The following RPS6KC1 variants were observed in gnomAD, a reference collection of about 807,000 sequenced individuals.
The protein encoded by RPS6KC1 is inactive ribosomal protein S6 kinase delta-1.
Under a neutral mutation model 103.8 loss-of-function variants are expected in RPS6KC1, and 54 were observed. The observed-to-expected ratio is 0.52, with a 90% CI of 0.42 to 0.65. RPS6KC1 has a LOEUF of 0.65. Ranked by LOEUF, RPS6KC1 falls within the 30% of genes least tolerant of loss-of-function variation. The probability of loss-of-function intolerance (pLI) is 0.00; values close to 1 mark genes in which losing one functional copy is unlikely to be tolerated. For missense variants in RPS6KC1, 1,151 were observed against 1,253.8 expected, an observed-to-expected ratio of 0.92 and a Z score of 1.24; for synonymous variants, 439 against 438.7, an observed-to-expected ratio of 1.00 and a Z score of -0.01.
the RPS6KC1 span, among the ~76,000 whole-genome samples, chr1:213,571,107 G>T: frequency 2.0e-5 from 3 of 152,252 alleles, no homozygotes; most frequent in African/African-American, 7.2e-5. Flanking sequence ...ACTTGCTTTT[G>T]CCTGTACAGA....
the RPS6KC1 span, among the ~76,000 whole-genome samples, chr1:213,482,540 GTT>G: frequency 3.8e-3 from 234 of 61,044 alleles, no homozygotes; most frequent in African/African-American, 0.014. Context: ...CTAACTTGAG[GTT>G]TTTTTTTTTT....
intron 12 of RPS6KC1, among the ~76,000 whole-genome samples, chr1:213,253,319 G>A (rs532541810): frequency 5.3e-5 from 8 of 152,290 alleles, no homozygotes; most frequent in African/African-American, 1.7e-4. Context: ...AACTGAGTCA[G>A]ATGGCCTCAC....
At chr1:213,183,872 A>G (rs1417497879) in intron 8 of RPS6KC1, among the ~76,000 whole-genome samples, 1 of 152,130 alleles carries the variant, frequency 6.6e-6, no homozygotes, top group Non-Finnish European at 1.5e-5. Flanking sequence ...AAATTGATAA[A>G]CCTCTAACAA....
At chr1:213,566,174 C>T in the RPS6KC1 span, among the ~76,000 whole-genome samples, 1 of 152,068 alleles carries the variant, frequency 6.6e-6, no homozygotes, top group African/African-American at 2.4e-5. Context: ...AGTGTTTATA[C>T]AAGTGTTCAC....
intron 12 of RPS6KC1, among the ~76,000 whole-genome samples, chr1:213,259,079 G>A (rs1321463153): frequency 3.9e-5 from 6 of 152,200 alleles, no homozygotes; most frequent in Non-Finnish European, 8.8e-5. Flanking sequence ...CTAGTTCATT[G>A]TTCTTTCTCA....
chr1:213,847,529 T>G, the RPS6KC1 span, among the ~76,000 whole-genome samples: 8 of 152,198 alleles, frequency 5.3e-5, no homozygotes, highest in African/African-American at 1.9e-4. Flanking sequence ...GAGGTCTGGA[T>G]GAGAAACTGA....
At chr1:213,308,755 A>G in the RPS6KC1 span, among the ~76,000 whole-genome samples, 2 of 152,330 alleles carry the variant, frequency 1.3e-5, no homozygotes, top group Admixed American at 6.5e-5. Flanking sequence ...GCTTCACACT[A>G]GAGTTTTAAC....
the RPS6KC1 span, among the ~76,000 whole-genome samples, chr1:213,771,437 A>G: frequency 6.6e-6 from 1 of 152,212 alleles, no homozygotes; most frequent in African/African-American, 2.4e-5. Context: ...CAGGAATAGG[A>G]GGTGAAGTTC....
At chr1:213,426,863 C>T in the RPS6KC1 span, among the ~76,000 whole-genome samples, 1 of 152,154 alleles carries the variant, frequency 6.6e-6, no homozygotes, top group Non-Finnish European at 1.5e-5. Context: ...AGTCTATCAT[C>T]TAGGAAAACA....
At chr1:213,092,793 T>C (rs1055951031) in intron 3 of RPS6KC1, among the ~76,000 whole-genome samples, 5 of 152,262 alleles carry the variant, frequency 3.3e-5, no homozygotes, top group Admixed American at 3.3e-4. Context: ...AATAAACATA[T>C]ATGAATCATA....
chr1:213,165,838 C>T (rs771480833), intron 6 of RPS6KC1, among the ~76,000 whole-genome samples: 1 of 152,078 alleles, frequency 6.6e-6, no homozygotes, highest in Non-Finnish European at 1.5e-5. Context: ...ATTATAGGCA[C>T]GAGCCACCGC....
chr1:213,705,341 G>C, the RPS6KC1 span, among the ~76,000 whole-genome samples: 4 of 152,224 alleles, frequency 2.6e-5, no homozygotes, highest in African/African-American at 9.6e-5. Context: ...ACAAGACGTA[G>C]TACTTTCCAC....
chr1:213,484,419 G>A, the RPS6KC1 span, among the ~76,000 whole-genome samples: 244 of 152,286 alleles, frequency 1.6e-3, no homozygotes, highest in African/African-American at 5.4e-3. Flanking sequence ...GTCCAGGCTC[G>A]TTTATGTGGT....
At chr1:213,275,166 C>T (rs934428482), downstream of RPS6KC1, among the ~76,000 whole-genome samples, 8 of 152,198 alleles carry the variant, frequency 5.3e-5, no homozygotes, top group African/African-American at 1.9e-4. Context: ...GAATAATATT[C>T]CATCATATGT....
the RPS6KC1 span, among the ~76,000 whole-genome samples, chr1:213,554,664 C>G: frequency 1.3e-5 from 2 of 152,126 alleles, no homozygotes; most frequent in Non-Finnish European, 2.9e-5. Flanking sequence ...TACCTACTTC[C>G]TCTCTCCTTT....
In RPS6KC1 at chr1:213,167,840, C is replaced by G; in HGVS notation, c.836-18C>G. On this transcript the variant is annotated intron_variant, in intron 6 of 14. Transcript: ENST00000366960. ...TGAGGAAAATTTATTTTTTACATGT[C>G]CAGACTTTTTTTTTTAGGAGAGTCA... 2 of 1,560,386 alleles carry G rather than the reference C, an allele frequency of 1.3e-6. No individual in the cohort carries two copies. Among genetic ancestry groups the G allele is most frequent in the South Asian group, 1.2e-5 (1 of 85,658 alleles).
chr1:213,625,563 A>G, the RPS6KC1 span, among the ~76,000 whole-genome samples: 2 of 152,116 alleles, frequency 1.3e-5, no homozygotes, highest in Non-Finnish European at 2.9e-5. Flanking sequence ...ATATCTCCAA[A>G]TGCTATCCCT....
At chr1:213,744,274 T>C in the RPS6KC1 span, among the ~76,000 whole-genome samples, 1 of 152,050 alleles carries the variant, frequency 6.6e-6, no homozygotes, top group Non-Finnish European at 1.5e-5. Flanking sequence ...AAAAACCACC[T>C]GTTCCCCAAA....
chr1:213,338,938 C>T, the RPS6KC1 span, among the ~76,000 whole-genome samples: 58 of 152,178 alleles, frequency 3.8e-4, 1 homozygote, highest in East Asian at 9.9e-3. Flanking sequence ...ATGCTTCCCA[C>T]GCTGAACAGA....
Sources: allele counts gnomAD v4.1 joint callset (sites outside exome capture counted in the v4.1 genomes callset), GRCh38; gene constraint gnomAD v4.1.1; transcripts MANE v1.5; gene names NCBI Gene and HGNC (gene_info 2026-07-23, HGNC 2026-07-21).